ABCA3: variants seen among roughly 807,000 people sequenced by gnomAD.
The protein encoded by ABCA3 is phospholipid-transporting ATPase ABCA3.
A neutral mutation model predicts 172.8 loss-of-function variants in ABCA3; 88 were observed. The ratio of observed to expected loss-of-function variants is 0.51; its 90% CI spans 0.43 to 0.61. The LOEUF (loss-of-function observed/expected upper bound fraction) is 0.61. Ranked by LOEUF, ABCA3 falls within the 20% of genes least tolerant of loss-of-function variation. The pLI is 0.00. For missense variants in ABCA3, 2,164 were observed against 2,301.0 expected, an observed-to-expected ratio of 0.94 and a Z score of 1.22; for synonymous variants, 1,066 against 983.8, an observed-to-expected ratio of 1.08 and a Z score of -1.56.
intron 1 of ABCA3, among the ~76,000 whole-genome samples, chr16:2,337,831 C>T (rs1269315487): frequency 1.3e-5 from 2 of 152,220 alleles, no homozygotes; most frequent in Non-Finnish European, 2.9e-5. Flanking sequence ...AGCTTGCTGG[C>T]GCTCATACTC....
chr16:2,306,544 T>C (rs323033), intron 11 of ABCA3, among the ~76,000 whole-genome samples: 35,450 of 151,912 alleles, frequency 0.23, 4,495 homozygotes, highest in Non-Finnish European at 0.29. Context: ...CATGGTGCCA[T>C]GGCTTGACTG....
rs923062887 is a variant in ABCA3 at position 2,281,581 on chromosome 16, G to A, written c.4036-72C>T. The A allele has an allele frequency of 1.7e-5, 24 of 1,451,138 alleles. 1 individual carries two copies. The highest frequency in any genetic ancestry group is 1.0e-4 in the South Asian group (9 of 87,794). The allele number at this position is 1,451,138 out of a possible 1,614,324, so 89.9% of individuals were successfully genotyped here. On this transcript the variant is annotated intron_variant, in intron 26 of 32. Transcript: ENST00000301732. The surrounding 1 kb of genome is among the most constrained non-coding windows in gnomAD (Gnocchi z 4.7). ...CGGCTTCCGTGGAGAAGGGAGGGGCGGGGGTGGATGTGGGAGGTCTGGTGG... is the reference window on the plus strand; with the variant it reads ...CGGCTTCCGTGGAGAAGGGAGGGGCAGGGGTGGATGTGGGAGGTCTGGTGG...
At chr16:2,295,078 A>G (rs2093677616) in intron 18 of ABCA3, among the ~76,000 whole-genome samples, 1 of 152,238 alleles carries the variant, frequency 6.6e-6, no homozygotes, top group African/African-American at 2.4e-5. Context: ...AAAGTGCAAT[A>G]AACTGATATT....
chr16:2,303,751 G>A (rs532785805), intron 12 of ABCA3, among the ~76,000 whole-genome samples: 2 of 152,290 alleles, frequency 1.3e-5, no homozygotes, highest in African/African-American at 2.4e-5. Context: ...GCTCTGAAGC[G>A]GAAGGATTAC....
intron 1 of ABCA3, chr16:2,332,474 C>T: frequency 1.0e-6 from 1 of 968,314 alleles, no homozygotes; most frequent in Non-Finnish European, 1.6e-6. Flanking sequence ...TGGTAATAGG[C>T]CACCAGGGCT....
At chr16:2,318,428 G>A (rs770339724) in intron 8 of ABCA3, among the ~76,000 whole-genome samples, 7 of 152,186 alleles carry the variant, frequency 4.6e-5, no homozygotes, top group Non-Finnish European at 8.8e-5. Flanking sequence ...ACGGCAGCCA[G>A]CAGCCAGGTG....
chr16:2,306,117 T>C (rs928684233), intron 11 of ABCA3, among the ~76,000 whole-genome samples: 2 of 151,956 alleles, frequency 1.3e-5, no homozygotes, highest in African/African-American at 4.8e-5. Context: ...TTTGGGAGGC[T>C]GACACAGGAG....
Position 2,285,709 on chromosome 16 carries a change from GT to G in ABCA3, c.3279-64del. On this transcript the variant is annotated intron_variant, in intron 22 of 32. Transcript: ENST00000301732. This position sits in a 1 kb window ranked among gnomAD's most constrained non-coding sequence, Gnocchi z 4.7. ...ACGTCTGGGTGGCAGGAGAGGTCGG[GT>G]TCTCGGTTATGACCGCCCAAGGCAT... 1 of 1,521,696 alleles carries G rather than the reference GT, an allele frequency of 6.6e-7. No individual in the cohort carries two copies. Among genetic ancestry groups the G allele is most frequent in the Non-Finnish European group, 8.9e-7 (1 of 1,123,158 alleles). 94.3% of individuals were successfully genotyped at this position (1,521,696 alleles called of 1,614,324 possible).
In ABCA3 at chr16:2,340,582, G is replaced by C. The variant is rs2093759440; in HGVS notation, c.-548C>G. On this transcript the variant is annotated 5_prime_UTR_variant, in exon 1 of 33. Transcript: ENST00000301732. ...TCCCGGCGGCACTCACCGAGCCTGGGCGCCGGGGCGGCGGCGGCCGGCGCG... is the reference window on the plus strand; with the variant it reads ...TCCCGGCGGCACTCACCGAGCCTGGCCGCCGGGGCGGCGGCGGCCGGCGCG... The C allele has an allele frequency of 6.7e-6, 1 of 148,696 alleles. No individual in the cohort carries two copies. Among genetic ancestry groups the C allele is most frequent in the African/African-American group, 2.4e-5 (1 of 41,070 alleles). The allele number at this position is 148,696 out of a possible 1,614,324, so 9.2% of individuals were successfully genotyped here. A position where few individuals can be genotyped will look rare whatever the true frequency, so the allele number is the denominator to read the frequency against.
chr16:2,322,822 A>T (rs936150762), intron 7 of ABCA3, among the ~76,000 whole-genome samples: 4 of 152,080 alleles, frequency 2.6e-5, no homozygotes, highest in Non-Finnish European at 4.4e-5. Context: ...ATTAAACTCA[A>T]GAGCTTCTGC....
intron 1 of ABCA3, chr16:2,332,772 G>C (rs1254378285): frequency 2.3e-6 from 2 of 856,108 alleles, no homozygotes; most frequent in Admixed American, 2.3e-5. Context: ...AGGTATTTTT[G>C]TGTGCACCAT....
chr16:2,339,001 C>T (rs1389751906), intron 1 of ABCA3: 2 of 152,234 alleles, frequency 1.3e-5, no homozygotes, highest in East Asian at 1.9e-4. Context: ...AGTGATCCGC[C>T]CGCCTCTGCC....
Position 2,286,846 on chromosome 16 carries a change from G to C in ABCA3, c.3126C>G (p.Phe1042Leu). The change falls in exon 22 of 33, where the codon TTC becomes TTG. Residue 1042 changes from phenylalanine to leucine, a missense_variant. By Grantham distance (22) the Phe-to-Leu change is conservative (BLOSUM62 0). Around this residue, in one of 3 missense-constraint regions of ABCA3, gnomAD observed 26 missense variants for 49.5 expected, o/e 0.53. Transcript: ENST00000301732. This position sits in a 1 kb window ranked among gnomAD's most constrained non-coding sequence, Gnocchi z 5.2. ...CTGGAGAGTGGTACGCCTGGTTGTT[G>C]AACAAGGCGTTGACGACCGTGCGCT... ...VGERTVVNAL[F>L]NNQAYHSPAT... The C allele has an allele frequency of 6.2e-7, 1 of 1,614,128 alleles. No individual in the cohort carries two copies. The highest frequency in any genetic ancestry group is 8.5e-7 in the Non-Finnish European group (1 of 1,180,018).
chr16:2,317,809 G>T lies in ABCA3; in HGVS notation c.874-45C>A, dbSNP rs373120912. ...CGCTGCTGGGGGCCCGTCACTGCCC[G>T]CCATGATGGCATGTGCCAGGCTGGA... is the stretch of plus-strand genomic sequence containing the variant. On this transcript the variant is annotated intron_variant, in intron 8 of 32. Coordinates refer to ENST00000301732, the MANE Select transcript of ABCA3 (RefSeq NM_001089.3). 1.7e-5 allele frequency: 27 copies of T among 1,566,582 alleles called. No individual in the cohort carries two copies. In the East Asian group the frequency reaches 5.4e-4, roughly 31 times the overall value.
rs2093654717 is a variant in ABCA3, at chr16:2,281,275, G to A, written c.4165-54C>T. 2 of 1,613,150 alleles carry A rather than the reference G, an allele frequency of 1.2e-6. No individual in the cohort carries two copies. Among genetic ancestry groups the A allele is most frequent in the African/African-American group, 1.3e-5 (1 of 75,052 alleles). On this transcript the variant is annotated intron_variant, in intron 27 of 32. Coordinates refer to ENST00000301732, the MANE Select transcript of ABCA3 (RefSeq NM_001089.3). This position sits in a 1 kb window ranked among gnomAD's most constrained non-coding sequence, Gnocchi z 4.7. ...TGCGGAGGCCTGGACGCAAAGCAGA[G>A]CAGTCTGAGCCTCAGCGCCGAAAGC...
chr16:2,338,675 C>G (rs1452703173), intron 1 of ABCA3, among the ~76,000 whole-genome samples: 2 of 151,826 alleles, frequency 1.3e-5, no homozygotes, highest in African/African-American at 2.4e-5. Flanking sequence ...TCTTATGTCA[C>G]AGTTACTTGT....
At position 2,285,925 on chromosome 16, in the gene ABCA3, T is replaced by C. The variant is rs1567338753; in HGVS notation, c.3279-279A>G. Among the ~76,000 whole-genome samples, 1 of 152,204 alleles carries C rather than the reference T, an allele frequency of 6.6e-6. No homozygotes were observed. The highest frequency in any genetic ancestry group is 1.5e-5 in the Non-Finnish European group (1 of 68,034). ...CTCAGCCCCACGGCTGCCGGCGACC[T>C]TGCCCAGGTGTGGAGGTCCCGAGCC... On this transcript the variant is annotated intron_variant, in intron 22 of 32. Transcript: ENST00000301732. The surrounding 1 kb of genome is among the most constrained non-coding windows in gnomAD (Gnocchi z 4.7).
At chr16:2,304,570 G>A (rs528951545) in intron 11 of ABCA3, among the ~76,000 whole-genome samples, 5 of 141,392 alleles carry the variant, frequency 3.5e-5, no homozygotes, top group African/African-American at 1.1e-4. Flanking sequence ...GCAGTGCTGC[G>A]ATCTCGGCTC....
intron 3 of ABCA3, 137 bp downstream of exon 3, chr16:2,328,316 G>A (rs2093737574): frequency 3.1e-5 from 10 of 318,888 alleles, no homozygotes; most frequent in South Asian, 2.5e-4. Context: ...GATCCCTTAA[G>A]CCCAGGAGTT....
Sources: allele counts gnomAD v4.1 joint callset (sites outside exome capture counted in the v4.1 genomes callset), GRCh38; gene constraint gnomAD v4.1.1; regional missense constraint gnomAD v4.1.1; non-coding constraint Gnocchi (gnomAD v3.1); transcripts MANE v1.5; gene names NCBI Gene and HGNC (gene_info 2026-07-23, HGNC 2026-07-21).